The following EPM2A variants were observed in gnomAD, a reference collection of about 807,000 sequenced individuals.
EPM2A encodes the protein laforin.
Under a neutral mutation model 26.5 loss-of-function variants are expected in EPM2A, and 21 were observed. The ratio of observed to expected loss-of-function variants is 0.79; its 90% CI spans 0.56 to 1.14. The LOEUF (loss-of-function observed/expected upper bound fraction) is 1.14, where lower values mean the gene tolerates loss of function less well. Ranked by LOEUF, EPM2A falls within the 50% of genes most tolerant of loss-of-function variation. EPM2A has a pLI of 0.00. For synonymous variants in EPM2A, 217 were observed against 177.6 expected (o/e 1.22, Z -1.76); for missense variants, 458 against 440.8 (o/e 1.04, Z -0.35).
At chr6:145,630,816 C>T (rs1776192528) in intron 3 of EPM2A, 1 of 152,204 alleles carries the variant, frequency 6.6e-6, no homozygotes, top group African/African-American at 2.4e-5. Flanking sequence ...TTTACAACCA[C>T]CTCTTAACAA....
downstream of EPM2A, chr6:145,501,478 A>T (rs1779889131): frequency 5.5e-6 from 1 of 181,074 alleles, no homozygotes. Context: ...TTTTGTGGCC[A>T]CCTGGTTGGT....
Position 145,452,496 on chromosome 6 carries a change from A to T in EPM2A, c.555+50026T>A, listed in dbSNP as rs1285122996. Among the ~76,000 whole-genome samples, 7 of 22,750 alleles carry T rather than the reference A, an allele frequency of 3.1e-4. No homozygotes were observed. The South Asian group carries it at 0.015, about 48-fold the overall frequency. The allele number at this position is 22,750 out of a possible 152,430, so 14.9% of individuals were successfully genotyped here. On this transcript the variant is annotated intron_variant, in intron 4 of 4. Transcript: ENST00000638717. ...CAGTCTCTACTAAAAATACAAAAAA[A>T]AAAAAAAAAAAAAAAAAAAAAAAAA...
In EPM2A at chr6:145,626,939, G is replaced by C. The variant is rs557462513; in HGVS notation, c.*477C>G. ...TTTGACCATAGTGAGCTCTTCTTTT[G>C]TAACGGTTCAGGCTTCTAACCTTAT... On this transcript the variant is annotated 3_prime_UTR_variant, in exon 4 of 4. Transcript: ENST00000367519. 2.0e-6 allele frequency: 2 copies of C among 1,011,430 alleles called. No individual in the cohort carries two copies. The highest frequency in any genetic ancestry group is 4.1e-5 in the South Asian group (1 of 24,350). 62.7% of individuals were successfully genotyped at this position (1,011,430 alleles called of 1,614,324 possible). A position where few individuals can be genotyped will look rare whatever the true frequency, so the allele number is the denominator to read the frequency against.
chr6:145,689,700 C>T (rs908638071), intron 1 of EPM2A, among the ~76,000 whole-genome samples: 1 of 152,196 alleles, frequency 6.6e-6, no homozygotes, highest in Non-Finnish European at 1.5e-5. Flanking sequence ...AAAATGTGGC[C>T]CCACACCCAC....
intron 1 of EPM2A, among the ~76,000 whole-genome samples, chr6:145,689,593 A>G (rs1411665429): frequency 6.6e-6 from 1 of 152,202 alleles, no homozygotes; most frequent in East Asian, 1.9e-4. Flanking sequence ...AGAAAACATG[A>G]CAAAAGTCCA....
At chr6:145,686,391 AATAAAC>A in intron 1 of EPM2A, 95 bp from the exon 2 acceptor site, 1 of 954,046 alleles carries the variant, frequency 1.0e-6, no homozygotes, top group Non-Finnish European at 1.7e-6. Flanking sequence ...GCAAGAAAAA[AATAAAC>A]ATAAAGCTAC....
chr6:145,691,623 T>G (rs895840656), intron 1 of EPM2A, among the ~76,000 whole-genome samples: 1 of 152,078 alleles, frequency 6.6e-6, no homozygotes, highest in African/African-American at 2.4e-5. Context: ...TTAAGGCAAT[T>G]ATATTGCAAA....
chr6:145,632,305 G>A (rs1301973331), intron 3 of EPM2A: 1 of 152,224 alleles, frequency 6.6e-6, no homozygotes, highest in African/African-American at 2.4e-5. Flanking sequence ...ACAACAGAGG[G>A]GTAGCTGAGG....
At chr6:145,663,491 G>C (rs1295727304) in intron 2 of EPM2A, among the ~76,000 whole-genome samples, 2 of 152,198 alleles carry the variant, frequency 1.3e-5, no homozygotes, top group Non-Finnish European at 2.9e-5. Flanking sequence ...TCAAAGAAAG[G>C]GGTGAAAAGA....
intron 4 of EPM2A, among the ~76,000 whole-genome samples, chr6:145,469,520 A>G (rs1234518337): frequency 6.6e-6 from 1 of 152,196 alleles, no homozygotes; most frequent in Non-Finnish European, 1.5e-5. Flanking sequence ...AAGACAGGGA[A>G]TAACAAATGC....
At chr6:145,404,101 T>C (rs1444458129) in intron 4 of EPM2A, among the ~76,000 whole-genome samples, 1 of 152,130 alleles carries the variant, frequency 6.6e-6, no homozygotes, top group Non-Finnish European at 1.5e-5. Flanking sequence ...TGCCCATTTT[T>C]TTTATCAGAT....
chr6:145,635,425 G>A lies in EPM2A; in HGVS notation c.538C>T (p.Leu180=), dbSNP rs1373171663. 6.2e-7 allele frequency: 1 copy of A among 1,613,838 alleles called. No individual in the cohort carries two copies. The highest frequency in any genetic ancestry group is 8.5e-7 in the Non-Finnish European group (1 of 1,179,844). ...GCTGTAATCCCCAATTCATGCTTCA[G>A]TTTGATGGTTACATGTTCCACCTGA... ...PRQVEHVTIK[L]KHELGITAVM... Residue 180 remains leucine, a synonymous_variant, in exon 3 of 4, where the codon CTG becomes TTG. Coordinates refer to ENST00000367519, the MANE Select transcript of EPM2A (RefSeq NM_005670.4).
At chr6:145,579,600 A>G (rs1446995084) in intron 2 of EPM2A, among the ~76,000 whole-genome samples, 1 of 152,196 alleles carries the variant, frequency 6.6e-6, no homozygotes, top group Non-Finnish European at 1.5e-5. Context: ...CTTTCTCTTA[A>G]AAGTGCCTTT....
At chr6:145,437,019 G>T (rs1311817547) in intron 4 of EPM2A, among the ~76,000 whole-genome samples, 2 of 152,028 alleles carry the variant, frequency 1.3e-5, no homozygotes, top group African/African-American at 4.8e-5. Context: ...TTGCTGAAAA[G>T]ACATTTATTT....
chr6:145,599,352 T>C lies in EPM2A; in HGVS notation c.340+35893A>G, dbSNP rs117023346. ...CCTTTAGGTAATTTCTACTAATTAG[T>C]TACTGTACTTCTTTTATTAATACTC... On this transcript the variant is annotated intron_variant, in intron 2 of 3. Coordinates refer to the EPM2A transcript ENST00000450221. Among the ~76,000 whole-genome samples the C allele has an allele frequency of 4.6e-3, 707 of 152,202 alleles. 26 individuals carry two copies. In the East Asian group the frequency reaches 0.085, roughly 18 times the overall value.
At chr6:145,577,970 TGAA>T (rs1342305772) in intron 2 of EPM2A, among the ~76,000 whole-genome samples, 1 of 151,866 alleles carries the variant, frequency 6.6e-6, no homozygotes, top group Non-Finnish European at 1.5e-5. Flanking sequence ...AATGAAGAAA[TGAA>T]GAAGAAAATT....
rs185432224 is a variant in EPM2A, at chr6:145,442,189, C to T, written c.556-58092G>A. On this transcript the variant is annotated intron_variant, in intron 4 of 4. Transcript: ENST00000638717. ...AGTCTCTAGGAAGTTCCAAACTTTC[C>T]CACATGTTCCTGTCTTCTTCTGAGC... Among the ~76,000 whole-genome samples the T allele has an allele frequency of 2.6e-3, 398 of 152,232 alleles. 2 individuals are homozygous for T. The highest frequency in any genetic ancestry group is 7.7e-3 in the Admixed American group (117 of 15,294).
chr6:145,490,825 A>T, intron 4 of EPM2A: 2 of 613,178 alleles, frequency 3.3e-6, no homozygotes, highest in South Asian at 2.8e-5. Context: ...GGTCAGATGC[A>T]TGGCCATCTT....
chr6:145,617,205 T>G (rs774976164), intron 2 of EPM2A, among the ~76,000 whole-genome samples: 2 of 152,180 alleles, frequency 1.3e-5, no homozygotes, highest in African/African-American at 4.8e-5. Flanking sequence ...TCTCACAAGA[T>G]CTGATGATTT....
Sources: allele counts gnomAD v4.1 joint callset (sites outside exome capture counted in the v4.1 genomes callset), GRCh38; gene constraint gnomAD v4.1.1; transcripts MANE v1.5; gene names NCBI Gene and HGNC (gene_info 2026-07-23, HGNC 2026-07-21).